The following PHACTR2 variants were observed in gnomAD, a reference collection of about 807,000 sequenced individuals.
PHACTR2 encodes the protein phosphatase and actin regulator 2.
Under a neutral mutation model 76.0 loss-of-function variants are expected in PHACTR2, and 30 were observed. The ratio of observed to expected loss-of-function variants is 0.39; its 90% CI spans 0.30 to 0.54. The LOEUF (loss-of-function observed/expected upper bound fraction) is 0.54, where lower values mean the gene tolerates loss of function less well. PHACTR2 is among the 20% of genes least tolerant of loss of function. PHACTR2 has a pLI of 0.61. For synonymous variants in PHACTR2, 292 were observed against 292.5 expected, an observed-to-expected ratio of 1.00 and a Z score of 0.02; for missense variants, 696 against 781.1, an observed-to-expected ratio of 0.89 and a Z score of 1.30.
chr6:143,587,597 A>AC lies in PHACTR2; in HGVS notation c.217+50390_217+50391insC, dbSNP rs1775643246. Among the ~76,000 whole-genome samples, 15 of 152,264 alleles carry AC rather than the reference A, an allele frequency of 9.9e-5. No homozygotes were observed. In the East Asian group the frequency reaches 2.7e-3, roughly 27 times the overall value. ...AGTTTGTTGAGAAAAAAGGTGAGAT[A>AC]GTTTTTTGTGGTCATATTCAAAAAA... On this transcript the variant is annotated intron_variant, in intron 1 of 11. Transcript: ENST00000367584.
At chr6:143,635,734 C>T (rs1360626161) in intron 1 of PHACTR2, among the ~76,000 whole-genome samples, 1 of 152,142 alleles carries the variant, frequency 6.6e-6, no homozygotes. Flanking sequence ...TTAAGGTCGT[C>T]TTGTTGATTT....
chr6:143,712,258 A>G (rs1778194537), intron 2 of PHACTR2, 75 bp downstream of exon 2: 4 of 1,028,076 alleles, frequency 3.9e-6, no homozygotes, highest in African/African-American at 1.7e-5. Context: ...TATGTTTTAC[A>G]GTGTGTTTTT....
At position 143,774,164 on chromosome 6, in the gene PHACTR2, C is replaced by T. The variant is rs779985505; in HGVS notation, c.1538C>T (p.Ser513Phe). ...GACAAAAACATCTTGCAGCGTACAT[C>T]TGAAGAAGAGAGGCAGGAAATCCGA... The part of the protein sequence containing the change: ...LEDKNILQRT[S>F]EEERQEIRQQ... Residue 513 changes from serine to phenylalanine, a missense_variant, in exon 8 of 13, where the codon TCT becomes TTT. Coordinates refer to ENST00000440869, the MANE Select transcript of PHACTR2 (RefSeq NM_001100164.2). This position sits in a 1 kb window ranked among gnomAD's most constrained non-coding sequence, Gnocchi z 5.4. 2 of 1,614,036 alleles carry T rather than the reference C, an allele frequency of 1.2e-6. No homozygotes were observed. The highest frequency in any genetic ancestry group is 1.7e-5 in the Admixed American group (1 of 60,012).
rs147871337 is a variant in PHACTR2 at position 143,801,866 on chromosome 6, C to A, written c.1846-5191C>A. 6.6e-6 allele frequency among the ~76,000 whole-genome samples: 1 copy of A among 152,208 alleles called. No individual in the cohort carries two copies. The highest frequency in any genetic ancestry group is 1.9e-4 in the East Asian group (1 of 5,180). On this transcript the variant is annotated intron_variant, in intron 11 of 12. Transcript: ENST00000440869. The surrounding 1 kb of genome is among the most constrained non-coding windows in gnomAD (Gnocchi z 4.6). ...TACCTTTGGTCTTTGATGTTGGTGA[C>A]CTACAGATGGGGTTTGGGTGTGGAT...
rs1779512265 is a variant in PHACTR2 at position 143,764,562 on chromosome 6, T to G, written c.695-699T>G. On this transcript the variant is annotated intron_variant, in intron 5 of 12. Transcript: ENST00000440869. The surrounding 1 kb of genome is among the most constrained non-coding windows in gnomAD (Gnocchi z 4.7). ...AGGAGCAACCCATGTAAATAGGTTT[T>G]GTAAACAACAAGTTTTTTTCTGGCC... 6.6e-6 allele frequency among the ~76,000 whole-genome samples: 1 copy of G among 151,948 alleles called. No homozygotes were observed. The highest frequency in any genetic ancestry group is 1.5e-5 in the Non-Finnish European group (1 of 68,004).
At chr6:143,579,657 C>T (rs922817549) in intron 1 of PHACTR2, among the ~76,000 whole-genome samples, 7 of 152,120 alleles carry the variant, frequency 4.6e-5, no homozygotes, top group Non-Finnish European at 8.8e-5. Flanking sequence ...CGGAAGGGGC[C>T]TCTTCTGCAG....
Position 143,733,581 on chromosome 6 carries a change from T to C in PHACTR2, c.215-15404T>C, listed in dbSNP as rs1170583797. On this transcript the variant is annotated intron_variant, in intron 2 of 12. Transcript: ENST00000440869. The surrounding 1 kb of genome is among the most constrained non-coding windows in gnomAD (Gnocchi z 4.0). ...TCTTTAGTGTTCATACCACTGAGAG[T>C]TGCTTAAAACAGCCTCAAGAAACCC... Among the ~76,000 whole-genome samples the C allele has an allele frequency of 6.6e-6, 1 of 152,084 alleles. No homozygotes were observed. The highest frequency in any genetic ancestry group is 1.9e-4 in the East Asian group (1 of 5,196).
In PHACTR2 at chr6:143,610,901, C is replaced by T. The variant is rs894655679; in HGVS notation, c.13+2579C>T. Among the ~76,000 whole-genome samples, 1 of 151,134 alleles carries T rather than the reference C, an allele frequency of 6.6e-6. No homozygotes were observed. Among genetic ancestry groups the T allele is most frequent in the Non-Finnish European group, 1.5e-5 (1 of 67,764 alleles). On this transcript the variant is annotated intron_variant, in intron 1 of 11. Transcript: ENST00000305766. This position sits in a 1 kb window ranked among gnomAD's most constrained non-coding sequence, Gnocchi z 4.9. ...TTTTAGCAATATCTAACATTTTCTT[C>T]TTTTTTTTTCAAATGGCTATTTCTT...
Position 143,654,548 on chromosome 6 carries a change from T to C in PHACTR2, c.13+46226T>C, listed in dbSNP as rs1357777693. Among the ~76,000 whole-genome samples the C allele has an allele frequency of 6.6e-6, 1 of 152,206 alleles. No individual in the cohort carries two copies. Among genetic ancestry groups the C allele is most frequent in the East Asian group, 1.9e-4 (1 of 5,202 alleles). On this transcript the variant is annotated intron_variant, in intron 1 of 11. Coordinates refer to the PHACTR2 transcript ENST00000305766. This position sits in a 1 kb window ranked among gnomAD's most constrained non-coding sequence, Gnocchi z 4.6. ...GGCTGGATACTGTGGCTCACACCTG[T>C]AATCTTGGCACTTTGGGAGACTGAG...
Position 143,641,484 on chromosome 6 carries a change from G to A in PHACTR2, c.13+33162G>A, listed in dbSNP as rs1425848484. Among the ~76,000 whole-genome samples the A allele has an allele frequency of 1.3e-5, 2 of 152,012 alleles. No homozygotes were observed. The highest frequency in any genetic ancestry group is 4.8e-5 in the African/African-American group (2 of 41,374). On this transcript the variant is annotated intron_variant, in intron 1 of 11. Coordinates refer to the PHACTR2 transcript ENST00000305766. This position sits in a 1 kb window ranked among gnomAD's most constrained non-coding sequence, Gnocchi z 5.8. ...TGTGAAATAATACATTTCTGTTGTT[G>A]ATTTGTTTGTTTGTTTGTGTGTTTG...
rs1779036083 is a variant in PHACTR2 at position 143,745,380 on chromosome 6, T to C, written c.215-3605T>C. ...TGACTCCTTCTCTGGAATACCTTCC[T>C]CAAAATGAGGGTGATCGATACTGAA... On this transcript the variant is annotated intron_variant, in intron 2 of 12. Transcript: ENST00000440869. Among the ~76,000 whole-genome samples the C allele has an allele frequency of 2.0e-5, 3 of 152,220 alleles. No individual in the cohort carries two copies. The South Asian group carries it at 6.2e-4, about 32-fold the overall frequency.
Position 143,598,697 on chromosome 6 carries a change from T to C in PHACTR2, c.217+61490T>C, listed in dbSNP as rs535096942. ...GGATATGTTAGAACCTGGTTAACCTTGACTGTTATCCAGTGCCTTTCCTGG... is the reference window on the plus strand; with the variant it reads ...GGATATGTTAGAACCTGGTTAACCTCGACTGTTATCCAGTGCCTTTCCTGG... On this transcript the variant is annotated intron_variant, in intron 1 of 11. Coordinates refer to the PHACTR2 transcript ENST00000367584. The surrounding 1 kb of genome is among the most constrained non-coding windows in gnomAD (Gnocchi z 4.1). Among the ~76,000 whole-genome samples, 310 of 152,336 alleles carry C rather than the reference T, an allele frequency of 2.0e-3. 2 individuals carry two copies. The highest frequency in any genetic ancestry group is 3.1e-3 in the Non-Finnish European group (209 of 68,020).
At position 143,765,138 on chromosome 6, in the gene PHACTR2, T is replaced by C; in HGVS notation, c.695-123T>C. 6.7e-6 allele frequency: 5 copies of C among 749,002 alleles called. No homozygotes were observed. The highest frequency in any genetic ancestry group is 3.6e-5 in the South Asian group (2 of 55,254). The allele number at this position is 749,002 out of a possible 1,614,324, so 46.4% of individuals were successfully genotyped here. A position where few individuals can be genotyped will look rare whatever the true frequency, so the allele number is the denominator to read the frequency against. ...ATCATGATTAGCCTATTTTCTCTTATACATTTATTCAACAAACTTTAAAGG... is the reference window on the plus strand; with the variant it reads ...ATCATGATTAGCCTATTTTCTCTTACACATTTATTCAACAAACTTTAAAGG... On this transcript the variant is annotated intron_variant, in intron 5 of 12. Coordinates refer to ENST00000440869, the MANE Select transcript of PHACTR2 (RefSeq NM_001100164.2). This position sits in a 1 kb window ranked among gnomAD's most constrained non-coding sequence, Gnocchi z 4.1.
upstream of PHACTR2, among the ~76,000 whole-genome samples, chr6:143,674,590 A>G (rs1429644054): frequency 6.6e-6 from 1 of 152,102 alleles, no homozygotes; most frequent in African/African-American, 2.4e-5. The surrounding 1 kb of genome is among the most constrained non-coding windows in gnomAD (Gnocchi z 4.9). Context: ...CTGATCAACC[A>G]TCTCATCTCT....
intron 1 of PHACTR2, among the ~76,000 whole-genome samples, chr6:143,631,300 C>T (rs531167796): frequency 2.0e-5 from 3 of 152,182 alleles, no homozygotes; most frequent in Non-Finnish European, 2.9e-5. Context: ...AAGCGATCCT[C>T]CTGCCTCAGC....
At chr6:143,651,243 G>A (rs1454558536) in intron 1 of PHACTR2, among the ~76,000 whole-genome samples, 2 of 152,148 alleles carry the variant, frequency 1.3e-5, no homozygotes, top group Non-Finnish European at 2.9e-5. Context: ...CTCTTGGTGG[G>A]AGTGTGAATT....
chr6:143,600,388 A>G (rs904370936), intron 1 of PHACTR2, among the ~76,000 whole-genome samples: 1 of 152,232 alleles, frequency 6.6e-6, no homozygotes, highest in Non-Finnish European at 1.5e-5. Context: ...AGTCAGCACC[A>G]TGTCAAACAG....
In PHACTR2 at chr6:143,627,918, C is replaced by T. The variant is rs1158444361; in HGVS notation, c.13+19596C>T. On this transcript the variant is annotated intron_variant, in intron 1 of 11. Transcript: ENST00000305766. The surrounding 1 kb of genome is among the most constrained non-coding windows in gnomAD (Gnocchi z 4.3). Reference sequence around the variant, plus strand: ...AGCCTTTTCATCTACCTCAAGAAAACCCTATACCCATTGTGCAGTCATGAC... The same window carrying T: ...AGCCTTTTCATCTACCTCAAGAAAATCCTATACCCATTGTGCAGTCATGAC... 6.6e-6 allele frequency among the ~76,000 whole-genome samples: 1 copy of T among 152,144 alleles called. No homozygotes were observed. The highest frequency in any genetic ancestry group is 1.5e-5 in the Non-Finnish European group (1 of 68,016).
intron 2 of PHACTR2, among the ~76,000 whole-genome samples, chr6:143,728,207 TTTTTC>T (rs767082579): frequency 2.1e-4 from 28 of 132,798 alleles, no homozygotes; most frequent in South Asian, 7.7e-4. Flanking sequence ...TTCCTTTTTT[TTTTTC>T]TTTCTTTTTT....
Sources: allele counts gnomAD v4.1 joint callset (sites outside exome capture counted in the v4.1 genomes callset), GRCh38; gene constraint gnomAD v4.1.1; non-coding constraint Gnocchi (gnomAD v3.1); transcripts MANE v1.5; gene names NCBI Gene and HGNC (gene_info 2026-07-23, HGNC 2026-07-21).